Variants in HLF observed in about 807,000 individuals in gnomAD.
The protein encoded by HLF is HLF transcription factor, PAR bZIP family member, also known as hepatic leukemia factor.
HLF carries 3 observed loss-of-function variants against 22.6 expected under a neutral mutation model. The ratio of observed to expected loss-of-function variants is 0.13; its 90% CI spans 0.06 to 0.34. HLF has a LOEUF of 0.34. Among genes scored for constraint, HLF ranks in the 10% least tolerant of loss-of-function variants. HLF has a pLI of 1.00. For synonymous variants in HLF, 151 were observed against 151.8 expected (o/e 0.99, Z 0.04); for missense variants, 299 against 389.2 (o/e 0.77, Z 1.95).
chr17:55,268,310 G>A (rs2080816190), intron 2 of HLF, among the ~76,000 whole-genome samples: 1 of 152,176 alleles, frequency 6.6e-6, no homozygotes, highest in East Asian at 1.9e-4. Flanking sequence ...TCTACCCCTA[G>A]AAATTCTGAT....
intron 2 of HLF, among the ~76,000 whole-genome samples, chr17:55,292,400 A>G (rs7223639): frequency 0.24 from 36,728 of 152,154 alleles, 4,669 homozygotes; most frequent in African/African-American, 0.3. Context: ...ATCATAAGTA[A>G]AAATGGCCCA....
At chr17:55,301,541 G>A (rs556749238) in intron 2 of HLF, among the ~76,000 whole-genome samples, 3 of 152,322 alleles carry the variant, frequency 2.0e-5, no homozygotes, top group East Asian at 1.9e-4. Flanking sequence ...GTCAGGAGTC[G>A]GAGGGCTTGA....
chr17:55,272,043 G>A (rs530535125), intron 2 of HLF: 3 of 152,400 alleles, frequency 2.0e-5, no homozygotes, highest in African/African-American at 7.2e-5. Flanking sequence ...ACATCTTAAT[G>A]AAGGGAAGAG....
chr17:55,284,532 A>G (rs1233239161), intron 2 of HLF, among the ~76,000 whole-genome samples: 3 of 152,204 alleles, frequency 2.0e-5, no homozygotes, highest in African/African-American at 7.2e-5. Context: ...GGAGTCGCTC[A>G]TCAACTCAGC....
rs1333616597 is a variant in HLF, at chr17:55,272,763, C to A, written c.451+4677C>A. The A allele has an allele frequency of 2.0e-5, 3 of 152,224 alleles. No homozygotes were observed. The East Asian group carries it at 5.8e-4, about 29-fold the overall frequency. 9.4% of individuals were successfully genotyped at this position (152,224 alleles called of 1,614,324 possible). A position where few individuals can be genotyped will look rare whatever the true frequency, so the allele number is the denominator to read the frequency against. ...TGGGTTTATGGAAGGTCAGAGGATTCTCTTACTTTTCCCAATATTATGAGG... is the reference window on the plus strand; with the variant it reads ...TGGGTTTATGGAAGGTCAGAGGATTATCTTACTTTTCCCAATATTATGAGG... On this transcript the variant is annotated intron_variant, in intron 2 of 3. Transcript: ENST00000226067.
At chr17:55,301,695 A>C (rs1567821549) in intron 2 of HLF, among the ~76,000 whole-genome samples, 1 of 152,228 alleles carries the variant, frequency 6.6e-6, no homozygotes, top group Non-Finnish European at 1.5e-5. Flanking sequence ...TCTCCCCAGT[A>C]GACAAAGATT....
At chr17:55,315,562 TC>T in intron 3 of HLF, 115 bp downstream of exon 3, 1 of 758,734 alleles carries the variant, frequency 1.3e-6, no homozygotes, top group African/African-American at 1.7e-5. Context: ...ATTTCTGATT[TC>T]TGATCCTGTT....
chr17:55,302,929 T>G (rs1283525467), intron 2 of HLF, among the ~76,000 whole-genome samples: 1 of 152,194 alleles, frequency 6.6e-6, no homozygotes. Flanking sequence ...TGGCTCAACA[T>G]CTACATAGTT....
intron 2 of HLF, among the ~76,000 whole-genome samples, chr17:55,275,568 G>C (rs1381641081): frequency 6.6e-6 from 1 of 152,224 alleles, no homozygotes; most frequent in Non-Finnish European, 1.5e-5. Context: ...AGAAGGAGAA[G>C]GTTCAGTTTA....
chr17:55,286,352 C>G (rs969241076), intron 2 of HLF, among the ~76,000 whole-genome samples: 4 of 151,858 alleles, frequency 2.6e-5, no homozygotes, highest in African/African-American at 9.7e-5. Context: ...TACTCCCATT[C>G]TCATCTCACT....
At chr17:55,286,309 T>C (rs2081003686) in intron 2 of HLF, among the ~76,000 whole-genome samples, 1 of 151,912 alleles carries the variant, frequency 6.6e-6, no homozygotes, top group Non-Finnish European at 1.5e-5. Flanking sequence ...CCTTGTACTT[T>C]ACCTCTCGAT....
At chr17:55,288,344 C>T (rs1330706638) in intron 2 of HLF, among the ~76,000 whole-genome samples, 3 of 152,026 alleles carry the variant, frequency 2.0e-5, no homozygotes, top group Non-Finnish European at 1.5e-5. Context: ...GAGGGAGTTT[C>T]ACCATGGTGG....
Position 55,265,367 on chromosome 17 carries a change from C to A in HLF, c.-118C>A. 1.6e-6 allele frequency: 1 copy of A among 633,880 alleles called. No individual in the cohort carries two copies. Among genetic ancestry groups the A allele is most frequent in the Non-Finnish European group, 2.8e-6 (1 of 357,594 alleles). 39.3% of individuals were successfully genotyped at this position (633,880 alleles called of 1,614,324 possible). A position where few individuals can be genotyped will look rare whatever the true frequency, so the allele number is the denominator to read the frequency against. ...TAATTTTTTTCTTCCCTTTTCTCCA[C>A]CGCCTTGAGAGCGAGTACTTTTGGC... On this transcript the variant is annotated 5_prime_UTR_variant, in exon 1 of 4. Coordinates refer to ENST00000226067, the MANE Select transcript of HLF (RefSeq NM_002126.5).
chr17:55,321,051 T>A lies in HLF; in HGVS notation c.*172T>A. The A allele has an allele frequency of 1.7e-6, 1 of 604,912 alleles. No individual in the cohort carries two copies. Among genetic ancestry groups the A allele is most frequent in the East Asian group, 2.8e-5 (1 of 35,470 alleles). The allele number at this position is 604,912 out of a possible 1,614,324, so 37.5% of individuals were successfully genotyped here. The stretch of plus-strand genomic sequence containing the variant: ...TGTGTGCGTGTATATGTGCTTGTGC[T>A]CATGTGTGTGGTCAGCGGTATGTGC... On this transcript the variant is annotated 3_prime_UTR_variant, in exon 4 of 4. Coordinates refer to ENST00000226067, the MANE Select transcript of HLF (RefSeq NM_002126.5).
In HLF at chr17:55,320,614, G is replaced by A; in HGVS notation, c.673-50G>A. ...CGTGCCCTGGCTGGCACTGGGCTTT[G>A]CTGAAATCTAATATCTTGTTTCTTT... is the stretch of plus-strand genomic sequence containing the variant. On this transcript the variant is annotated intron_variant, in intron 3 of 3. Coordinates refer to ENST00000226067, the MANE Select transcript of HLF (RefSeq NM_002126.5). The surrounding 1 kb of genome is among the most constrained non-coding windows in gnomAD (Gnocchi z 4.2). 1 of 1,571,924 alleles carries A rather than the reference G, an allele frequency of 6.4e-7. No homozygotes were observed. The highest frequency in any genetic ancestry group is 2.3e-5 in the East Asian group (1 of 44,156).
At chr17:55,278,765 G>T (rs4617927) in intron 2 of HLF, among the ~76,000 whole-genome samples, 54,579 of 152,076 alleles carry the variant, frequency 0.36, 11,377 homozygotes, top group Middle Eastern at 0.54. Context: ...TAGTCATTAT[G>T]ATGTGGGCTG....
chr17:55,320,517 A>G lies in HLF; in HGVS notation c.673-147A>G. 1 of 648,992 alleles carries G rather than the reference A, an allele frequency of 1.5e-6. No homozygotes were observed. The highest frequency in any genetic ancestry group is 2.7e-6 in the Non-Finnish European group (1 of 372,164). The allele number at this position is 648,992 out of a possible 1,614,324, so 40.2% of individuals were successfully genotyped here. ...TCATGGGCCACACTCTCAGACATGC[A>G]GAAACTGTAAAGGAAGGAGACACAA... On this transcript the variant is annotated intron_variant, in intron 3 of 3. Coordinates refer to ENST00000226067, the MANE Select transcript of HLF (RefSeq NM_002126.5). This position sits in a 1 kb window ranked among gnomAD's most constrained non-coding sequence, Gnocchi z 4.2.
intron 2 of HLF, among the ~76,000 whole-genome samples, chr17:55,289,188 T>C (rs1020083941): frequency 1.3e-5 from 2 of 152,186 alleles, no homozygotes; most frequent in African/African-American, 4.8e-5. Flanking sequence ...CAGCCAGTGA[T>C]AAGGGGCACT....
chr17:55,283,693 AAC>A (rs2080975575), intron 2 of HLF: 1 of 152,216 alleles, frequency 6.6e-6, no homozygotes, highest in Non-Finnish European at 1.5e-5. Flanking sequence ...CTGTAATTCC[AAC>A]ACGTAAGTCC....
Sources: allele counts gnomAD v4.1 joint callset (sites outside exome capture counted in the v4.1 genomes callset), GRCh38; gene constraint gnomAD v4.1.1; non-coding constraint Gnocchi (gnomAD v3.1); transcripts MANE v1.5; gene names NCBI Gene and HGNC (gene_info 2026-07-23, HGNC 2026-07-21).